Variants in KLHL6 observed in about 807,000 individuals in gnomAD.
The protein encoded by KLHL6 is kelch like family member 6.
A neutral mutation model predicts 58.6 loss-of-function variants in KLHL6; 41 were observed. The observed-to-expected ratio is 0.70, with a 90% CI of 0.55 to 0.91. The LOEUF (loss-of-function observed/expected upper bound fraction) is 0.91, where lower values mean the gene tolerates loss of function less well. KLHL6 is among the 40% of genes least tolerant of loss of function. The pLI, the probability that KLHL6 is intolerant of heterozygous loss-of-function variation, is 0.00. For synonymous variants in KLHL6, 338 were observed against 322.7 expected (o/e 1.05, Z -0.51); for missense variants, 714 against 805.6 (o/e 0.89, Z 1.38).
At position 183,491,498 on chromosome 3, in the gene KLHL6, G is replaced by A. The variant is rs1717551575; in HGVS notation, c.*429C>T. Reference sequence around the variant, plus strand: ...TGGAAAGAGCATTGACTTCGGAGATGAAAGACCTGGATTTTAGACTCCTGG... The same window carrying A: ...TGGAAAGAGCATTGACTTCGGAGATAAAAGACCTGGATTTTAGACTCCTGG... On this transcript the variant is annotated 3_prime_UTR_variant, in exon 7 of 7. Coordinates refer to ENST00000341319, the MANE Select transcript of KLHL6 (RefSeq NM_130446.4). 6.2e-6 allele frequency: 1 copy of A among 160,548 alleles called. No individual in the cohort carries two copies. The highest frequency in any genetic ancestry group is 2.4e-5 in the African/African-American group (1 of 41,790). 9.9% of individuals were successfully genotyped at this position (160,548 alleles called of 1,614,324 possible). A position where few individuals can be genotyped will look rare whatever the true frequency, so the allele number is the denominator to read the frequency against.
chr3:183,501,249 G>A (rs1717859000), intron 3 of KLHL6, among the ~76,000 whole-genome samples: 1 of 152,212 alleles, frequency 6.6e-6, no homozygotes. Flanking sequence ...AAGCTGGCAG[G>A]ACAGGATCTG....
At chr3:183,531,443 G>GTTTTTTTTTTTTTTT (rs59579259) in intron 1 of KLHL6, among the ~76,000 whole-genome samples, 2 of 90,356 alleles carry the variant, frequency 2.2e-5, no homozygotes, top group East Asian at 3.6e-4. Flanking sequence ...TTTTGTCTGT[G>GTTTTTTTTTTTTTTT]TTTTTTTTTT....
At position 183,508,164 on chromosome 3, in the gene KLHL6, C is replaced by T. The variant is rs774464693; in HGVS notation, c.804G>A (p.Pro268=). ...CTTCCACCGTCTCCACAAAGTACCA[C>T]GGGTCCAGAAGCGGTAAGCGCACGT... is the stretch of plus-strand genomic sequence containing the variant. ...LENVRLPLLD[P]WYFVETVEAD... The change falls in exon 3 of 7, where the codon CCG becomes CCA. Residue 268 remains proline, a synonymous_variant. Coordinates refer to ENST00000341319, the MANE Select transcript of KLHL6 (RefSeq NM_130446.4). 5.3e-5 allele frequency: 85 copies of T among 1,614,070 alleles called. 1 individual carries two copies. In the South Asian group the frequency reaches 7.6e-4, roughly 14 times the overall value.
chr3:183,534,950 A>ATAT lies in KLHL6; in HGVS notation c.294-6941_294-6940insATA, dbSNP rs1356557331. On this transcript the variant is annotated intron_variant, in intron 1 of 6. Coordinates refer to ENST00000341319, the MANE Select transcript of KLHL6 (RefSeq NM_130446.4). The stretch of plus-strand genomic sequence containing the variant: ...TATATATACATATATATATATATAT[A>ATAT]TTTTTTTTTTTTGAGACAGAGTCTC... Among the ~76,000 whole-genome samples the ATAT allele has an allele frequency of 1.0e-3, 99 of 96,748 alleles. 1 individual carries two copies. Among genetic ancestry groups the ATAT allele is most frequent in the African/African-American group, 2.8e-3 (92 of 33,004 alleles). 63.5% of individuals were successfully genotyped at this position (96,748 alleles called of 152,430 possible). A position where few individuals can be genotyped will look rare whatever the true frequency, so the allele number is the denominator to read the frequency against.
chr3:183,527,934 G>T lies in KLHL6; in HGVS notation c.370C>A (p.His124Asn), dbSNP rs775721762. ...GTGTACGTGTAGTCCAACAGAGTGTGCATGGTCTCAGCATCAACCCCTTTA... is the reference window on the plus strand; with the variant it reads ...GTGTACGTGTAGTCCAACAGAGTGTTCATGGTCTCAGCATCAACCCCTTTA... ...IIKGVDAETM[H>N]TLLDYTYTSK... The change falls in exon 2 of 7, where the codon CAC (histidine) becomes AAC (asparagine). Residue 124 changes from histidine to asparagine, a missense_variant. Physicochemically the swap from His to Asn is moderately conservative, Grantham distance 68 (BLOSUM62 1). This residue lies in a region of KLHL6 where 204 missense variants were observed against 175.9 expected (regional missense o/e 1.16). Transcript: ENST00000341319. 6.2e-6 allele frequency: 10 copies of T among 1,613,896 alleles called. No homozygotes were observed. The highest frequency in any genetic ancestry group is 2.5e-6 in the Non-Finnish European group (3 of 1,179,980).
chr3:183,543,686 A>G (rs1457531702), intron 1 of KLHL6, among the ~76,000 whole-genome samples: 4 of 152,318 alleles, frequency 2.6e-5, no homozygotes, highest in East Asian at 1.9e-4. Flanking sequence ...TCAGCCCTCC[A>G]TAAACCTGAG....
chr3:183,524,834 T>C (rs916102926), intron 2 of KLHL6, among the ~76,000 whole-genome samples: 1 of 152,268 alleles, frequency 6.6e-6, no homozygotes, highest in Non-Finnish European at 1.5e-5. Context: ...GAGGTGGTAC[T>C]GACTTCTGCA....
At chr3:183,505,169 G>T (rs1264020892) in intron 3 of KLHL6, among the ~76,000 whole-genome samples, 1 of 152,140 alleles carries the variant, frequency 6.6e-6, no homozygotes, top group Non-Finnish European at 1.5e-5. Flanking sequence ...CATAGAATAG[G>T]ACCTATGTGG....
chr3:183,534,098 G>GTACTTTAAAAGTACTTTACTTTTAAAT (rs1712262384), intron 1 of KLHL6, among the ~76,000 whole-genome samples: 2 of 133,614 alleles, frequency 1.5e-5, no homozygotes, highest in African/African-American at 2.6e-5. Flanking sequence ...TACTTTTAAA[G>GTACTTTAAAAGTACTTTACTTTTAAAT]TACTTTAAAA....
intron 3 of KLHL6, among the ~76,000 whole-genome samples, chr3:183,502,196 G>A (rs2108669460): frequency 6.6e-6 from 1 of 152,216 alleles, no homozygotes; most frequent in African/African-American, 2.4e-5. Flanking sequence ...TAGCTACTCG[G>A]GAGGCTGAGG....
At chr3:183,515,956 A>G (rs988555582) in intron 2 of KLHL6, among the ~76,000 whole-genome samples, 1 of 152,246 alleles carries the variant, frequency 6.6e-6, no homozygotes, top group African/African-American at 2.4e-5. Context: ...TTTAACAGGT[A>G]AAAAAGGGAA....
intron 2 of KLHL6, among the ~76,000 whole-genome samples, chr3:183,519,003 G>A (rs1339679684): frequency 6.6e-6 from 1 of 152,192 alleles, no homozygotes; most frequent in East Asian, 1.9e-4. Flanking sequence ...TCCCTTATAG[G>A]TTGTGAATCT....
At chr3:183,529,856 G>A (rs1220641004) in intron 1 of KLHL6, among the ~76,000 whole-genome samples, 1 of 152,064 alleles carries the variant, frequency 6.6e-6, no homozygotes, top group African/African-American at 2.4e-5. Flanking sequence ...GGGGTTTTAG[G>A]AGGTAATTAA....
At chr3:183,539,698 G>A (rs1712487285) in intron 1 of KLHL6, among the ~76,000 whole-genome samples, 2 of 146,796 alleles carry the variant, frequency 1.4e-5, no homozygotes, top group Non-Finnish European at 1.5e-5. Flanking sequence ...GACAGTGTGA[G>A]ACTCCATCTC....
intron 1 of KLHL6, among the ~76,000 whole-genome samples, chr3:183,553,467 T>C (rs1277273618): frequency 6.6e-6 from 1 of 152,184 alleles, no homozygotes; most frequent in African/African-American, 2.4e-5. Flanking sequence ...CATTTTATGA[T>C]AGCAAGGGAT....
At chr3:183,501,279 A>G (rs1195782904) in intron 3 of KLHL6, among the ~76,000 whole-genome samples, 1 of 152,184 alleles carries the variant, frequency 6.6e-6, no homozygotes, top group Non-Finnish European at 1.5e-5. Context: ...ACCAAAGACA[A>G]ACTTTGCTGC....
chr3:183,538,258 T>C (rs1712429890), intron 1 of KLHL6, among the ~76,000 whole-genome samples: 2 of 152,102 alleles, frequency 1.3e-5, no homozygotes, highest in African/African-American at 2.4e-5. Flanking sequence ...CCAGCCCGAC[T>C]CCATTATAGC....
At chr3:183,540,179 C>G (rs1712508526) in intron 1 of KLHL6, among the ~76,000 whole-genome samples, 1 of 152,184 alleles carries the variant, frequency 6.6e-6, no homozygotes, top group African/African-American at 2.4e-5. Flanking sequence ...CCAGAACTTT[C>G]TTTGGAATTA....
Position 183,492,829 on chromosome 3 carries a change from C to A in KLHL6, c.1351-122G>T. The A allele has an allele frequency of 2.4e-6, 2 of 822,148 alleles. No homozygotes were observed. The highest frequency in any genetic ancestry group is 3.8e-6 in the Non-Finnish European group (2 of 519,796). The allele number at this position is 822,148 out of a possible 1,614,324, so 50.9% of individuals were successfully genotyped here. On this transcript the variant is annotated intron_variant, in intron 5 of 6. Transcript: ENST00000341319. This position sits in a 1 kb window ranked among gnomAD's most constrained non-coding sequence, Gnocchi z 5.9. ...ACTGGGCATCTTTTGCCTATAGTCA[C>A]AAGGCCCATGGGCTTGACTCCTCTT...
Sources: allele counts gnomAD v4.1 joint callset (sites outside exome capture counted in the v4.1 genomes callset), GRCh38; gene constraint gnomAD v4.1.1; regional missense constraint gnomAD v4.1.1; non-coding constraint Gnocchi (gnomAD v3.1); transcripts MANE v1.5; gene names NCBI Gene and HGNC (gene_info 2026-07-23, HGNC 2026-07-21).